The following KCNK10 variants were observed in gnomAD, a reference collection of about 807,000 sequenced individuals.
KCNK10 encodes the protein potassium channel subfamily K member 10.
Under a neutral mutation model 47.7 loss-of-function variants are expected in KCNK10, and 25 were observed. That is an observed-to-expected ratio of 0.52 (90% confidence interval 0.38 to 0.73). The LOEUF (loss-of-function observed/expected upper bound fraction) is 0.73, where lower values mean the gene tolerates loss of function less well. Ranked by LOEUF, KCNK10 falls within the 30% of genes least tolerant of loss-of-function variation. The probability of loss-of-function intolerance (pLI) is 0.00; values close to 1 mark genes in which losing one functional copy is unlikely to be tolerated. For synonymous variants in KCNK10, 303 were observed against 285.6 expected (o/e 1.06, Z -0.61); for missense variants, 563 against 714.5 (o/e 0.79, Z 2.42).
At chr14:88,236,685 T>A (rs1886310641) in intron 3 of KCNK10, among the ~76,000 whole-genome samples, 1 of 152,380 alleles carries the variant, frequency 6.6e-6, no homozygotes, top group African/African-American at 2.4e-5. Flanking sequence ...AGTCACACAT[T>A]TTCTTTTTTG....
intron 2 of KCNK10, among the ~76,000 whole-genome samples, chr14:88,257,332 G>C (rs1369603171): frequency 6.6e-6 from 1 of 152,042 alleles, no homozygotes; most frequent in African/African-American, 2.4e-5. Context: ...CCTCAGCCCA[G>C]CTCCCACGAC....
intron 2 of KCNK10, among the ~76,000 whole-genome samples, chr14:88,248,571 A>G (rs1041658840): frequency 7.2e-5 from 11 of 152,074 alleles, no homozygotes; most frequent in African/African-American, 2.7e-4. Flanking sequence ...TCTACAAAAA[A>G]TACAAAAATT....
At chr14:88,217,720 A>C (rs1885667365) in intron 4 of KCNK10, among the ~76,000 whole-genome samples, 1 of 132,108 alleles carries the variant, frequency 7.6e-6, no homozygotes, top group Non-Finnish European at 1.6e-5. Context: ...TCACCCAAGT[A>C]ATTTGAATCT....
intron 1 of KCNK10, among the ~76,000 whole-genome samples, chr14:88,297,922 G>T (rs913544012): frequency 6.6e-6 from 1 of 152,158 alleles, no homozygotes; most frequent in East Asian, 1.9e-4. Context: ...CCTTCTCTTC[G>T]TTCTGCAGTG....
Position 88,294,411 on chromosome 14 carries a change from G to A in KCNK10, c.52+28336C>T, listed in dbSNP as rs530001115. On this transcript the variant is annotated intron_variant, in intron 1 of 6. Transcript: ENST00000319231. ...AAGAATAGAGCAATGCAAAGAAGAC[G>A]AATCAAGAAATGAAGAACTATGCAG... Among the ~76,000 whole-genome samples the A allele has an allele frequency of 1.2e-3, 188 of 152,346 alleles. 1 individual carries two copies. The highest frequency in any genetic ancestry group is 4.3e-3 in the African/African-American group (178 of 41,582).
chr14:88,181,260 C>G lies in KCNK10; in HGVS notation c.*4275G>C, dbSNP rs745325454. On this transcript the variant is annotated 3_prime_UTR_variant, in exon 7 of 7. Transcript: ENST00000319231. ...AGAACCCAGCATGCAAATAGACAGG[C>G]AGCATTGACGAAGCCAGGAAATGAT... 6.4e-6 allele frequency: 1 copy of G among 156,928 alleles called. No homozygotes were observed. The highest frequency in any genetic ancestry group is 6.5e-5 in the Admixed American group (1 of 15,424). The allele number at this position is 156,928 out of a possible 1,614,324, so 9.7% of individuals were successfully genotyped here.
At chr14:88,319,184 T>C (rs1490126391) in intron 1 of KCNK10, among the ~76,000 whole-genome samples, 4 of 152,200 alleles carry the variant, frequency 2.6e-5, no homozygotes, top group Admixed American at 1.3e-4. Context: ...ATTTGGGTCT[T>C]GTTTTTACCT....
intron 1 of KCNK10, among the ~76,000 whole-genome samples, chr14:88,290,506 C>T (rs1297907071): frequency 6.6e-6 from 1 of 152,204 alleles, no homozygotes; most frequent in African/African-American, 2.4e-5. Flanking sequence ...GGTGCTTGCT[C>T]TGTGCCAGGC....
intron 2 of KCNK10, among the ~76,000 whole-genome samples, chr14:88,254,966 T>C (rs1886905056): frequency 6.6e-6 from 1 of 152,116 alleles, no homozygotes; most frequent in Non-Finnish European, 1.5e-5. Flanking sequence ...CCCACAATCA[T>C]CCTAATGAGG....
chr14:88,186,128 C>A lies in KCNK10; in HGVS notation c.1039G>T (p.Glu347Ter). ...EVGEIKAHAA[E>*]WKANVTAEFR... ...TCAGCCGTGACATTGGCCTTCCACT[C>A]TGCCGCATGGGCCTTGATTTCACCC... Residue 347 changes from glutamate (E) to a stop codon, truncating the protein, a stop_gained, in exon 7 of 7, where the codon GAG (glutamate) becomes TAG (stop). Coordinates refer to ENST00000319231, the MANE Select transcript of KCNK10 (RefSeq NM_138317.3). LOFTEE classifies it high-confidence loss of function. The surrounding 1 kb of genome is among the most constrained non-coding windows in gnomAD (Gnocchi z 5.5). The A allele has an allele frequency of 1.3e-6, 2 of 1,599,150 alleles. No individual in the cohort carries two copies. Among genetic ancestry groups the A allele is most frequent in the Non-Finnish European group, 8.5e-7 (1 of 1,172,798 alleles).
At position 88,260,533 on chromosome 14, in the gene KCNK10, A is replaced by T. The variant is rs1221481814; in HGVS notation, c.402+2669T>A. 6.6e-6 allele frequency among the ~76,000 whole-genome samples: 1 copy of T among 152,224 alleles called. No individual in the cohort carries two copies. The highest frequency in any genetic ancestry group is 1.5e-5 in the Non-Finnish European group (1 of 68,044). On this transcript the variant is annotated intron_variant, in intron 2 of 6. Coordinates refer to ENST00000319231, the MANE Select transcript of KCNK10 (RefSeq NM_138317.3). The surrounding 1 kb of genome is among the most constrained non-coding windows in gnomAD (Gnocchi z 4.5). ...AGACTGGAGCTTATTATAAACCAAGATCTACTTAAAGGGCCTGTAGACTAT... is the reference window on the plus strand; with the variant it reads ...AGACTGGAGCTTATTATAAACCAAGTTCTACTTAAAGGGCCTGTAGACTAT...
intron 1 of KCNK10, among the ~76,000 whole-genome samples, chr14:88,318,031 C>T (rs1888464829): frequency 6.6e-6 from 1 of 152,222 alleles, no homozygotes; most frequent in South Asian, 2.1e-4. Flanking sequence ...CCTCACTGCA[C>T]TTCTATTCAG....
intron 2 of KCNK10, among the ~76,000 whole-genome samples, chr14:88,245,085 G>C (rs1886592842): frequency 6.6e-6 from 1 of 152,174 alleles, no homozygotes; most frequent in African/African-American, 2.4e-5. Flanking sequence ...AATGGCACGG[G>C]AGTGAATGTT....
chr14:88,221,568 G>A (rs920698608), intron 4 of KCNK10, among the ~76,000 whole-genome samples: 1 of 152,108 alleles, frequency 6.6e-6, no homozygotes, highest in South Asian at 2.1e-4. Context: ...ATGAGGATGT[G>A]GAGCAACAGG....
intron 3 of KCNK10, among the ~76,000 whole-genome samples, chr14:88,239,256 A>T (rs1314780204): frequency 6.6e-6 from 1 of 152,186 alleles, no homozygotes; most frequent in Non-Finnish European, 1.5e-5. Context: ...AAAGCACAAT[A>T]AAGTGAGATA....
chr14:88,291,982 C>CG (rs1887889404), intron 1 of KCNK10, among the ~76,000 whole-genome samples: 1 of 152,046 alleles, frequency 6.6e-6, no homozygotes, highest in Non-Finnish European at 1.5e-5. Context: ...GCTGAGAGGC[C>CG]GGGGGTGTCA....
At chr14:88,204,130 G>A (rs986159837) in intron 4 of KCNK10, among the ~76,000 whole-genome samples, 1 of 152,148 alleles carries the variant, frequency 6.6e-6, no homozygotes, top group Non-Finnish European at 1.5e-5. Flanking sequence ...TCTTTGTGAT[G>A]AAAGAAAAAG....
At chr14:88,218,222 G>C (rs1885686636) in intron 4 of KCNK10, among the ~76,000 whole-genome samples, 1 of 152,142 alleles carries the variant, frequency 6.6e-6, no homozygotes, top group South Asian at 2.1e-4. Context: ...AAGATGCCTT[G>C]GGAGAAACAG....
chr14:88,201,562 A>AGGCAGG (rs1388847466), intron 4 of KCNK10, among the ~76,000 whole-genome samples: 1 of 152,082 alleles, frequency 6.6e-6, no homozygotes, highest in Non-Finnish European at 1.5e-5. Flanking sequence ...TGGGAGGCTG[A>AGGCAGG]GGCAGGGGAA....
Sources: gnomAD v4.1 joint callset for allele counts (sites outside exome capture counted in the v4.1 genomes callset) on GRCh38, gnomAD v4.1.1 for gene constraint, Gnocchi (gnomAD v3.1) non-coding constraint, MANE v1.5 for transcripts, NCBI Gene and HGNC (gene_info 2026-07-23, HGNC 2026-07-21) for gene names.